The following QNG1 variants were observed in gnomAD, a reference collection of about 807,000 sequenced individuals.
QNG1 encodes the protein Q-nucleotide N-glycosylase 1, also known as queuosine 5'-phosphate N-glycosylase/hydrolase.
At chr9:83,956,630 G>A in the QNG1 span, 23 of 729,380 alleles carry the variant, frequency 3.2e-5, no homozygotes, top group Non-Finnish European at 4.5e-5. Context: ...CCAGGGAGTG[G>A]CACCGAGAAC....
the QNG1 span, chr9:83,953,767 A>G: frequency 6.5e-7 from 1 of 1,542,084 alleles, no homozygotes. Context: ...AAAAGATTCC[A>G]AAAGAATTTT....
At chr9:83,954,090 TC>T in the QNG1 span, among the ~76,000 whole-genome samples, 1 of 151,986 alleles carries the variant, frequency 6.6e-6, no homozygotes, top group African/African-American at 2.4e-5. Flanking sequence ...AGATGGGGTT[TC>T]ACCATGTTGC....
At chr9:83,938,693 T>A in the QNG1 span, 1 of 149,284 alleles carries the variant, frequency 6.7e-6, no homozygotes. Flanking sequence ...AAAACATAAG[T>A]CAAAACTAAA....
the QNG1 span, chr9:83,939,738 T>A: frequency 6.2e-7 from 1 of 1,612,868 alleles, no homozygotes; most frequent in South Asian, 1.1e-5. Flanking sequence ...TATGAGAGCA[T>A]TTCTCCTGCA....
At chr9:83,944,764 T>C in the QNG1 span, 4 of 1,541,902 alleles carry the variant, frequency 2.6e-6, no homozygotes, top group Non-Finnish European at 3.6e-6. Flanking sequence ...CAATTCATAG[T>C]ATAACAAAGA....
chr9:83,944,189 C>T, the QNG1 span, among the ~76,000 whole-genome samples: 47,492 of 151,966 alleles, frequency 0.31, 8,097 homozygotes, highest in African/African-American at 0.45. Flanking sequence ...AAATTTTGCA[C>T]CTAAAAGAGA....
At chr9:83,950,805 T>C in the QNG1 span, among the ~76,000 whole-genome samples, 3 of 151,954 alleles carry the variant, frequency 2.0e-5, no homozygotes, top group African/African-American at 7.2e-5. Flanking sequence ...TTCCCCATGT[T>C]GCCTAGGCTG....
chr9:83,951,525 C>T, the QNG1 span, among the ~76,000 whole-genome samples: 21 of 152,260 alleles, frequency 1.4e-4, no homozygotes, highest in African/African-American at 4.8e-4. Context: ...TGCGCCATTG[C>T]ACTGCAGCCT....
chr9:83,941,250 G>T, the QNG1 span, among the ~76,000 whole-genome samples: 1 of 152,140 alleles, frequency 6.6e-6, no homozygotes, highest in Non-Finnish European at 1.5e-5. Flanking sequence ...AATAGTAGTG[G>T]GTTGAACTGT....
At chr9:83,956,407 C>T in the QNG1 span, 1 of 1,595,264 alleles carries the variant, frequency 6.3e-7, no homozygotes, top group Non-Finnish European at 8.5e-7. Flanking sequence ...AGCAGCTCTG[C>T]CACCCTCCGT....
At chr9:83,950,447 C>T in the QNG1 span, among the ~76,000 whole-genome samples, 9 of 152,112 alleles carry the variant, frequency 5.9e-5, no homozygotes, top group Admixed American at 5.2e-4. Context: ...ACTGGTATCA[C>T]TAAAACTACT....
the QNG1 span, among the ~76,000 whole-genome samples, chr9:83,951,721 C>G: frequency 2.6e-5 from 4 of 152,188 alleles, 1 homozygote; most frequent in South Asian, 8.3e-4. Context: ...CTGCATTACT[C>G]TAAATCAGAG....
At chr9:83,950,792 G>A in the QNG1 span, among the ~76,000 whole-genome samples, 2 of 151,548 alleles carry the variant, frequency 1.3e-5, no homozygotes, top group Admixed American at 1.3e-4. Context: ...GCAGAGATGA[G>A]GTTTCCCCAT....
chr9:83,939,681 C>T, the QNG1 span: 1 of 1,614,164 alleles, frequency 6.2e-7, no homozygotes, highest in Non-Finnish European at 8.5e-7. Flanking sequence ...ATCAGCTCAA[C>T]ACACCAAAGC....
chr9:83,949,123 T>C, the QNG1 span, among the ~76,000 whole-genome samples: 1 of 151,994 alleles, frequency 6.6e-6, no homozygotes, highest in Non-Finnish European at 1.5e-5. Context: ...TCAGAATTTG[T>C]TTTCCAGAGC....
the QNG1 span, among the ~76,000 whole-genome samples, chr9:83,954,212 G>T: frequency 1.3e-5 from 2 of 151,896 alleles, no homozygotes; most frequent in African/African-American, 4.8e-5. Context: ...TTTTTATTAG[G>T]GAGAGGTTAG....
chr9:83,952,805 A>C, the QNG1 span, among the ~76,000 whole-genome samples: 109 of 151,054 alleles, frequency 7.2e-4, no homozygotes, highest in East Asian at 4.1e-3. Context: ...AAAAAAAAAA[A>C]AAAAAAACAA....
chr9:83,954,168 A>T, the QNG1 span, among the ~76,000 whole-genome samples: 1 of 152,168 alleles, frequency 6.6e-6, no homozygotes, highest in African/African-American at 2.4e-5. Context: ...TGCTGGGATT[A>T]CAGGAGTGAG....
the QNG1 span, among the ~76,000 whole-genome samples, chr9:83,947,978 T>C: frequency 7.1e-6 from 1 of 141,762 alleles, no homozygotes; most frequent in African/African-American, 3.0e-5. Flanking sequence ...CCGCCCATCG[T>C]CTGGGATGTG....
Sources: gnomAD v4.1 joint callset for allele counts (sites outside exome capture counted in the v4.1 genomes callset) on GRCh38, gnomAD v4.1.1 for gene constraint, MANE v1.5 for transcripts, NCBI Gene and HGNC (gene_info 2026-07-23, HGNC 2026-07-21) for gene names.